Variants in IL5RA observed in about 807,000 individuals in gnomAD.
IL5RA encodes interleukin 5 receptor subunit alpha.
Under a neutral mutation model 50.0 loss-of-function variants are expected in IL5RA, and 49 were observed. The observed-to-expected ratio is 0.98, with a 90% confidence interval of 0.78 to 1.24. The LOEUF (loss-of-function observed/expected upper bound fraction) is 1.24. Ranked by LOEUF, IL5RA falls within the 50% of genes most tolerant of loss-of-function variation. IL5RA has a pLI of 0.00. For missense variants in IL5RA, 600 were observed against 500.4 expected, an observed-to-expected ratio of 1.20 and a Z score of -1.90; for synonymous variants, 202 against 174.0, an observed-to-expected ratio of 1.16 and a Z score of -1.26.
At chr3:3,071,440 T>C (rs340809) in intron 11 of IL5RA, among the ~76,000 whole-genome samples, 52,791 of 152,012 alleles carry the variant, frequency 0.35, 9,911 homozygotes, top group African/African-American at 0.49. Flanking sequence ...CCTGGTGAGA[T>C]CTTGTCTCTA....
chr3:3,080,982 A>G (rs1702645213), intron 9 of IL5RA, among the ~76,000 whole-genome samples: 1 of 152,140 alleles, frequency 6.6e-6, no homozygotes, highest in Non-Finnish European at 1.5e-5. Context: ...AAGCGTGACC[A>G]ACTGTGCCTA....
At chr3:3,109,107 G>T (rs1320224360) in intron 1 of IL5RA, among the ~76,000 whole-genome samples, 2 of 151,910 alleles carry the variant, frequency 1.3e-5, no homozygotes, top group Non-Finnish European at 2.9e-5. Flanking sequence ...TAGGCTCAAG[G>T]GTATTAAAAT....
chr3:3,091,218 A>T (rs555367007), intron 9 of IL5RA, among the ~76,000 whole-genome samples: 5 of 152,234 alleles, frequency 3.3e-5, no homozygotes, highest in African/African-American at 4.8e-5. Flanking sequence ...TTCTTTTTTT[A>T]AAAAAGTATA....
At chr3:3,073,121 C>T (rs1228097160) in intron 11 of IL5RA, among the ~76,000 whole-genome samples, 1 of 152,202 alleles carries the variant, frequency 6.6e-6, no homozygotes, top group Non-Finnish European at 1.5e-5. Context: ...TTTTGCCAGC[C>T]TCCATTCTCT....
At chr3:3,076,672 T>C in intron 9 of IL5RA, 45 bp from the exon 10 acceptor site, 3 of 1,270,950 alleles carry the variant, frequency 2.4e-6, no homozygotes, top group Non-Finnish European at 1.1e-6. Flanking sequence ...AAGTCCAAGT[T>C]AGAAGCAGCA....
At chr3:3,073,737 A>G (rs572184219) in intron 11 of IL5RA, 10 of 443,688 alleles carry the variant, frequency 2.3e-5, no homozygotes, top group African/African-American at 1.8e-4. Context: ...TTAACTGACA[A>G]CTCAACACAA....
intron 9 of IL5RA, among the ~76,000 whole-genome samples, chr3:3,085,693 G>A (rs921803011): frequency 6.6e-6 from 1 of 152,140 alleles, no homozygotes; most frequent in African/African-American, 2.4e-5. Flanking sequence ...AGGCACAGGA[G>A]TTTCTCTGGG....
intron 7 of IL5RA, among the ~76,000 whole-genome samples, chr3:3,096,917 G>A (rs993395158): frequency 6.6e-6 from 1 of 152,128 alleles, no homozygotes; most frequent in African/African-American, 2.4e-5. Flanking sequence ...CAATTCTCAC[G>A]AAGACTGCAC....
chr3:3,080,073 T>G (rs1354485804), intron 9 of IL5RA, among the ~76,000 whole-genome samples: 2 of 152,110 alleles, frequency 1.3e-5, no homozygotes, highest in Non-Finnish European at 2.9e-5. Flanking sequence ...AGTGCCTTTT[T>G]GCTGCTGGAA....
At chr3:3,071,580 TGTGTGTGTGTGTGTGTA>T (rs1307785102) in intron 11 of IL5RA, among the ~76,000 whole-genome samples, 1,786 of 147,318 alleles carry the variant, frequency 0.012, 40 homozygotes, top group African/African-American at 0.043. Context: ...TGTGTGTGTG[TGTGTGTGTGTGTGTGTA>T]TTTTTTTTTT....
chr3:3,088,712 A>G (rs1702972828), intron 9 of IL5RA, among the ~76,000 whole-genome samples: 1 of 152,202 alleles, frequency 6.6e-6, no homozygotes, highest in African/African-American at 2.4e-5. Context: ...TGACCTTGGT[A>G]TCCATCATCT....
In IL5RA at chr3:3,098,021, G is replaced by T; in HGVS notation, c.558C>A (p.Ser186Arg). Residue 186 changes from serine to arginine, a missense_variant, in exon 7 of 12, where the codon AGC (serine) becomes AGA (arginine). Coordinates refer to ENST00000446632, the MANE Select transcript of IL5RA (RefSeq NM_175726.4). ...GSWTEECQEY[S>R]KDTLGRNIAC... ...CGATATTTCTCCCCAGTGTGTCTTT[G>T]CTGTATTCTTGGCATTCTTCAGTCC... The T allele has an allele frequency of 6.2e-7, 1 of 1,614,136 alleles. No homozygotes were observed. Among genetic ancestry groups the T allele is most frequent in the Non-Finnish European group, 8.5e-7 (1 of 1,180,026 alleles).
intron 9 of IL5RA, among the ~76,000 whole-genome samples, chr3:3,089,689 C>T (rs551864154): frequency 4.0e-5 from 6 of 151,292 alleles, no homozygotes; most frequent in East Asian, 1.9e-4. Flanking sequence ...AGTACAGTGG[C>T]GCAATCTTGG....
rs1702146874 is a variant in IL5RA, at chr3:3,066,815, T to G, written c.*3410A>C. On this transcript the variant is annotated 3_prime_UTR_variant, in exon 12 of 12. Coordinates refer to ENST00000446632, the MANE Select transcript of IL5RA (RefSeq NM_175726.4). Reference sequence around the variant, plus strand: ...CAGGTGGTCGGGCTGTTGGCAAATGTGACCTTCACCCTCCAGTCTCCCCAG... The same window carrying G: ...CAGGTGGTCGGGCTGTTGGCAAATGGGACCTTCACCCTCCAGTCTCCCCAG... 6.6e-6 allele frequency: 1 copy of G among 152,256 alleles called. No individual in the cohort carries two copies. The highest frequency in any genetic ancestry group is 1.5e-5 in the Non-Finnish European group (1 of 68,102). The allele number at this position is 152,256 out of a possible 1,614,324, so 9.4% of individuals were successfully genotyped here. A position where few individuals can be genotyped will look rare whatever the true frequency, so the allele number is the denominator to read the frequency against.
At chr3:3,086,474 TTAAGA>T (rs1285285025) in intron 9 of IL5RA, among the ~76,000 whole-genome samples, 6 of 152,070 alleles carry the variant, frequency 3.9e-5, no homozygotes, top group Non-Finnish European at 5.9e-5. Flanking sequence ...AAGTTAGCTC[TTAAGA>T]TAAGACAGAG....
In IL5RA at chr3:3,095,389, AGAGAGAC is replaced by A; in HGVS notation, c.758_764del (p.Arg253LeufsTer20). 6.2e-7 allele frequency: 1 copy of A among 1,610,642 alleles called. No individual in the cohort carries two copies. The highest frequency in any genetic ancestry group is 8.5e-7 in the Non-Finnish European group (1 of 1,176,844). ...CAGACACTGGTTTCTCCCATTGGAT[AGAGAGAC>A]GAGTTCCTTCAATCTCTGCTGTGAC... On this transcript the variant is annotated frameshift_variant, in exon 8 of 12. Coordinates refer to ENST00000446632, the MANE Select transcript of IL5RA (RefSeq NM_175726.4). LOFTEE classifies it high-confidence loss of function.
chr3:3,087,716 T>A (rs904624598), intron 9 of IL5RA, among the ~76,000 whole-genome samples: 2 of 152,006 alleles, frequency 1.3e-5, no homozygotes, highest in Non-Finnish European at 2.9e-5. Flanking sequence ...GGCTACAGCA[T>A]GCTGTTTTTA....
rs780697711 is a variant in IL5RA at position 3,074,733 on chromosome 3, G to T, written c.1176+49C>A. On this transcript the variant is annotated intron_variant, in intron 11 of 11. Transcript: ENST00000446632. ...AAGAACCGAATGACAGCTCCCAGGG[G>T]ACTCAACCCTGGACACATACGGCAT... is the stretch of plus-strand genomic sequence containing the variant. 5 of 1,071,434 alleles carry T rather than the reference G, an allele frequency of 4.7e-6. No individual in the cohort carries two copies. The Admixed American group carries it at 7.1e-5, about 15-fold the overall frequency. 66.4% of individuals were successfully genotyped at this position (1,071,434 alleles called of 1,614,324 possible). A position where few individuals can be genotyped will look rare whatever the true frequency, so the allele number is the denominator to read the frequency against.
At chr3:3,102,990 A>G (rs1703727418) in intron 3 of IL5RA, 170 bp from the exon 4 acceptor site, 1 of 511,084 alleles carries the variant, frequency 2.0e-6, no homozygotes. Context: ...GAAAGTGGCT[A>G]TTTCTACCCG....
Sources: gnomAD v4.1 joint callset for allele counts (sites outside exome capture counted in the v4.1 genomes callset) on GRCh38, gnomAD v4.1.1 for gene constraint, MANE v1.5 for transcripts, NCBI Gene and HGNC (gene_info 2026-07-23, HGNC 2026-07-21) for gene names.